MAGI2: variants seen among roughly 807,000 people sequenced by gnomAD.
MAGI2 encodes membrane-associated guanylate kinase, WW and PDZ domain-containing protein 2.
Under a neutral mutation model 133.3 loss-of-function variants are expected in MAGI2, and 35 were observed. The ratio of observed to expected loss-of-function variants is 0.26; its 90% CI spans 0.20 to 0.35. The LOEUF (loss-of-function observed/expected upper bound fraction) is 0.35. Among genes scored for constraint, MAGI2 ranks in the 10% least tolerant of loss-of-function variants. The probability of loss-of-function intolerance (pLI) is 1.00; values close to 1 mark genes in which losing one functional copy is unlikely to be tolerated. For synonymous variants in MAGI2, 729 were observed against 710.6 expected (o/e 1.03, Z -0.41); for missense variants, 1,636 against 1,863.4 (o/e 0.88, Z 2.25).
rs532972522 is a variant in MAGI2 at position 78,957,686 on chromosome 7, A to G, written c.418+49404T>C. 3.3e-5 allele frequency among the ~76,000 whole-genome samples: 5 copies of G among 152,268 alleles called. No homozygotes were observed. The Middle Eastern group carries it at 0.017, about 518-fold the overall frequency. On this transcript the variant is annotated intron_variant, in intron 2 of 21. Coordinates refer to ENST00000354212, the MANE Select transcript of MAGI2 (RefSeq NM_012301.4). ...TAATTTCGTTTTTACAGAAGAGAGAACCAAAGCATAGAGAGGTTAGGTAAC... is the reference window on the plus strand; with the variant it reads ...TAATTTCGTTTTTACAGAAGAGAGAGCCAAAGCATAGAGAGGTTAGGTAAC...
chr7:79,281,197 C>A (rs1835614989), intron 1 of MAGI2, among the ~76,000 whole-genome samples: 1 of 152,074 alleles, frequency 6.6e-6, no homozygotes, highest in African/African-American at 2.4e-5. Flanking sequence ...TCAGGGACTA[C>A]ATACATTTTC....
intron 1 of MAGI2, among the ~76,000 whole-genome samples, chr7:79,193,108 T>C (rs1827809691): frequency 6.6e-6 from 1 of 151,928 alleles, no homozygotes; most frequent in Non-Finnish European, 1.5e-5. Flanking sequence ...TCACTGTGTC[T>C]GGCCCAGGGT....
intron 10 of MAGI2, chr7:78,255,577 G>C: frequency 2.2e-6 from 1 of 444,944 alleles, no homozygotes; most frequent in East Asian, 4.7e-5. Context: ...CATCGTAAAA[G>C]CAGGTTTCTT....
chr7:78,664,668 C>A (rs1232509452), intron 2 of MAGI2, among the ~76,000 whole-genome samples: 1 of 151,570 alleles, frequency 6.6e-6, no homozygotes, highest in Non-Finnish European at 1.5e-5. Context: ...GTGTTAGTAC[C>A]TTGATTACTA....
At chr7:78,578,611 GAGAAAT>G (rs1802513345) in intron 3 of MAGI2, among the ~76,000 whole-genome samples, 1 of 152,118 alleles carries the variant, frequency 6.6e-6, no homozygotes, top group Non-Finnish European at 1.5e-5. Flanking sequence ...TATATACAGA[GAGAAAT>G]AGAAGATACA....
At chr7:78,650,175 C>T (rs1182667739) in intron 2 of MAGI2, among the ~76,000 whole-genome samples, 2 of 152,142 alleles carry the variant, frequency 1.3e-5, no homozygotes, top group African/African-American at 4.8e-5. Flanking sequence ...TCAACAACCG[C>T]AAGCACTGAT....
intron 2 of MAGI2, among the ~76,000 whole-genome samples, chr7:78,747,746 T>C (rs1309982677): frequency 1.3e-5 from 2 of 152,024 alleles, no homozygotes; most frequent in Admixed American, 6.6e-5. Context: ...CTGAGTGAGG[T>C]TGGGCACAGA....
chr7:79,000,307 C>T (rs1249001352), intron 2 of MAGI2: 2 of 152,160 alleles, frequency 1.3e-5, no homozygotes, highest in Non-Finnish European at 2.9e-5. Flanking sequence ...TCCCTTCTTA[C>T]AACATGTTTA....
intron 10 of MAGI2, among the ~76,000 whole-genome samples, chr7:78,234,224 G>A (rs12705353): frequency 0.29 from 44,389 of 152,062 alleles, 7,547 homozygotes; most frequent in Non-Finnish European, 0.37. Context: ...TTGTATTCCA[G>A]ATTTTTAGTG....
chr7:78,941,599 G>T (rs968428979), intron 2 of MAGI2, among the ~76,000 whole-genome samples: 1 of 152,022 alleles, frequency 6.6e-6, no homozygotes, highest in Non-Finnish European at 1.5e-5. Context: ...GCCTCTCAAA[G>T]TGCTGGGATT....
At chr7:78,612,544 ATATAC>A in intron 3 of MAGI2, among the ~76,000 whole-genome samples, 2 of 152,242 alleles carry the variant, frequency 1.3e-5, no homozygotes, top group Non-Finnish European at 2.9e-5. Flanking sequence ...CAATACCCTT[ATATAC>A]TTAGAGACAA....
intron 1 of MAGI2, among the ~76,000 whole-genome samples, chr7:79,044,214 TA>T (rs1296196330): frequency 6.6e-6 from 1 of 152,044 alleles, no homozygotes; most frequent in African/African-American, 2.4e-5. Context: ...CAGCAGCACA[TA>T]AAAAAGATAA....
At chr7:78,208,023 C>T (rs1483523997) in intron 10 of MAGI2, among the ~76,000 whole-genome samples, 10 of 152,020 alleles carry the variant, frequency 6.6e-5, no homozygotes, top group African/African-American at 2.2e-4. Flanking sequence ...GCGCCCACCA[C>T]CATGCCCGGC....
At chr7:78,655,703 C>T (rs1478223662) in intron 2 of MAGI2, among the ~76,000 whole-genome samples, 1 of 151,894 alleles carries the variant, frequency 6.6e-6, no homozygotes, top group African/African-American at 2.4e-5. Context: ...GAGGTTTGGC[C>T]GGGCGCAGTG....
intron 7 of MAGI2, among the ~76,000 whole-genome samples, chr7:78,355,390 A>C (rs1282070306): frequency 1.3e-5 from 2 of 152,232 alleles, no homozygotes; most frequent in Non-Finnish European, 2.9e-5. Flanking sequence ...AAACAGTTGC[A>C]TGAAGAATGA....
intron 2 of MAGI2, among the ~76,000 whole-genome samples, chr7:78,696,569 T>C (rs1817534545): frequency 1.3e-5 from 2 of 152,302 alleles, no homozygotes; most frequent in Non-Finnish European, 1.5e-5. Context: ...ACAAGTTAAG[T>C]GATACAAATC....
chr7:78,604,160 T>C (rs757103501), intron 3 of MAGI2, among the ~76,000 whole-genome samples: 1 of 152,044 alleles, frequency 6.6e-6, no homozygotes, highest in Non-Finnish European at 1.5e-5. Context: ...ATCAAAACGA[T>C]GAGTAGGATT....
chr7:78,491,306 A>G (rs1793579924), intron 5 of MAGI2, among the ~76,000 whole-genome samples: 2 of 152,126 alleles, frequency 1.3e-5, no homozygotes, highest in African/African-American at 4.8e-5. Flanking sequence ...CTCTTCAAAT[A>G]GCATTTTCTG....
intron 1 of MAGI2, among the ~76,000 whole-genome samples, chr7:79,113,047 C>A (rs555555453): frequency 7.4e-4 from 112 of 152,280 alleles, no homozygotes; most frequent in African/African-American, 2.6e-3. Context: ...ATTTACAATG[C>A]AGAGTTATTG....
Sources: allele counts gnomAD v4.1 joint callset (sites outside exome capture counted in the v4.1 genomes callset), GRCh38; gene constraint gnomAD v4.1.1; transcripts MANE v1.5; gene names NCBI Gene and HGNC (gene_info 2026-07-23, HGNC 2026-07-21).